Variants in DYNC1I1 observed in about 807,000 individuals in gnomAD.
DYNC1I1 encodes the protein cytoplasmic dynein 1 intermediate chain 1.
DYNC1I1 carries 43 observed loss-of-function variants against 86.6 expected under a neutral mutation model. That is an observed-to-expected ratio of 0.50 (90% CI 0.39 to 0.64). DYNC1I1 has a LOEUF of 0.64. Ranked by LOEUF, DYNC1I1 falls within the 30% of genes least tolerant of loss-of-function variation. The pLI, the probability that DYNC1I1 is intolerant of heterozygous loss-of-function variation, is 0.00. For synonymous variants in DYNC1I1, 262 were observed against 283.7 expected, an observed-to-expected ratio of 0.92 and a Z score of 0.77; for missense variants, 604 against 788.8, an observed-to-expected ratio of 0.77 and a Z score of 2.81.
chr7:95,830,486 C>T (rs1199607763), intron 5 of DYNC1I1, among the ~76,000 whole-genome samples: 4 of 152,248 alleles, frequency 2.6e-5, no homozygotes, highest in Admixed American at 2.6e-4. Flanking sequence ...CTTTGACTGA[C>T]TTCCTTCATT....
chr7:96,019,862 G>T (rs573165311), intron 10 of DYNC1I1, among the ~76,000 whole-genome samples: 26 of 152,254 alleles, frequency 1.7e-4, no homozygotes, highest in Admixed American at 3.3e-4. Context: ...ACAGTGTTTA[G>T]AGATTTTTCT....
At chr7:95,817,424 G>C (rs1794971994) in intron 4 of DYNC1I1, among the ~76,000 whole-genome samples, 2 of 152,112 alleles carry the variant, frequency 1.3e-5, no homozygotes, top group African/African-American at 4.8e-5. Flanking sequence ...TAGTTGATAT[G>C]AGTGATACAC....
At chr7:95,903,110 ATCTTGGTAGCAAGTATT>A (rs1450056137) in intron 6 of DYNC1I1, among the ~76,000 whole-genome samples, 1 of 152,178 alleles carries the variant, frequency 6.6e-6, no homozygotes, top group Admixed American at 6.6e-5. Flanking sequence ...CCATGGCCAA[ATCTTGGTAGCAAGTATT>A]TTTTGCTATC....
intron 9 of DYNC1I1, among the ~76,000 whole-genome samples, chr7:95,990,141 A>G (rs73230254): frequency 0.08 from 12,114 of 152,262 alleles, 575 homozygotes; most frequent in Non-Finnish European, 0.1. Context: ...ACAAAATATC[A>G]TCAAACATCA....
chr7:96,049,830 G>A (rs1012204366), intron 14 of DYNC1I1, among the ~76,000 whole-genome samples: 1 of 151,992 alleles, frequency 6.6e-6, no homozygotes, highest in African/African-American at 2.4e-5. Flanking sequence ...TCAGGAGTCC[G>A]AGACCAGCCT....
chr7:95,903,935 C>T (rs1791105987), intron 6 of DYNC1I1, among the ~76,000 whole-genome samples: 1 of 152,106 alleles, frequency 6.6e-6, no homozygotes. Context: ...TGGCTTAGAG[C>T]AGAAAGCAAC....
intron 6 of DYNC1I1, among the ~76,000 whole-genome samples, chr7:95,901,058 A>G (rs1562938299): frequency 6.6e-6 from 1 of 152,226 alleles, no homozygotes; most frequent in Non-Finnish European, 1.5e-5. Context: ...CTTTTTAAGC[A>G]ATCATGTCAG....
At chr7:95,962,261 G>A (rs1219122716) in intron 6 of DYNC1I1, among the ~76,000 whole-genome samples, 1 of 152,102 alleles carries the variant, frequency 6.6e-6, no homozygotes, top group Non-Finnish European at 1.5e-5. Context: ...ATGACCCATA[G>A]CTTACACCCT....
chr7:95,877,742 A>C (rs1790346487), intron 6 of DYNC1I1, among the ~76,000 whole-genome samples: 1 of 152,254 alleles, frequency 6.6e-6, no homozygotes, highest in South Asian at 2.1e-4. Context: ...GGATCACAAC[A>C]CATCTCAAAA....
intron 6 of DYNC1I1, among the ~76,000 whole-genome samples, chr7:95,954,303 T>G (rs556146366): frequency 6.6e-6 from 1 of 151,252 alleles, no homozygotes; most frequent in African/African-American, 2.4e-5. Context: ...TGAGGCTATT[T>G]AAAGACAATT....
At chr7:95,980,273 T>A (rs1035003469) in intron 7 of DYNC1I1, among the ~76,000 whole-genome samples, 1 of 152,082 alleles carries the variant, frequency 6.6e-6, no homozygotes, top group Non-Finnish European at 1.5e-5. Context: ...ACATAATGGG[T>A]TAAAAGGATG....
At chr7:95,806,313 T>C (rs1410795726) in intron 2 of DYNC1I1, among the ~76,000 whole-genome samples, 2 of 152,206 alleles carry the variant, frequency 1.3e-5, no homozygotes, top group Non-Finnish European at 2.9e-5. Context: ...ATATGGGAAA[T>C]TTGGTTCCAA....
chr7:95,874,514 C>T (rs1790253611), intron 6 of DYNC1I1, among the ~76,000 whole-genome samples: 1 of 152,154 alleles, frequency 6.6e-6, no homozygotes, highest in South Asian at 2.1e-4. Flanking sequence ...GATTGTGTAT[C>T]CCCACAATTC....
chr7:95,905,696 C>T (rs1791158735), intron 6 of DYNC1I1, among the ~76,000 whole-genome samples: 1 of 150,196 alleles, frequency 6.7e-6, no homozygotes, highest in Non-Finnish European at 1.5e-5. Flanking sequence ...CCCATTGTGT[C>T]TGGGCTTTTT....
At chr7:95,900,138 A>G (rs909280108) in intron 6 of DYNC1I1, among the ~76,000 whole-genome samples, 1 of 152,138 alleles carries the variant, frequency 6.6e-6, no homozygotes, top group African/African-American at 2.4e-5. Flanking sequence ...GGCTCCATGG[A>G]TAGTGAGGTC....
At chr7:95,821,633 A>G (rs576286847) in intron 4 of DYNC1I1, among the ~76,000 whole-genome samples, 75 of 152,264 alleles carry the variant, frequency 4.9e-4, no homozygotes, top group African/African-American at 1.2e-3. Flanking sequence ...CGACCATGGG[A>G]TTTGATGATT....
intron 6 of DYNC1I1, among the ~76,000 whole-genome samples, chr7:95,969,963 T>G (rs12537028): frequency 0.055 from 8,446 of 152,250 alleles, 341 homozygotes; most frequent in Admixed American, 0.12. Flanking sequence ...CCACAAAATA[T>G]GTCTTTCCTG....
At chr7:96,039,542 A>G (rs1584270193) in intron 14 of DYNC1I1, 121 bp downstream of exon 14, 5 of 1,245,500 alleles carry the variant, frequency 4.0e-6, no homozygotes, top group East Asian at 2.5e-5. Context: ...GAATTCATAT[A>G]CCTTCTGGTG....
At position 95,772,679 on chromosome 7, in the gene DYNC1I1, G is replaced by T. The variant is rs1329273945; in HGVS notation, c.-104G>T. The T allele has an allele frequency of 6.6e-6, 1 of 152,614 alleles. No homozygotes were observed. The highest frequency in any genetic ancestry group is 6.5e-5 in the Admixed American group (1 of 15,296). The allele number at this position is 152,614 out of a possible 1,614,324, so 9.5% of individuals were successfully genotyped here. A position where few individuals can be genotyped will look rare whatever the true frequency, so the allele number is the denominator to read the frequency against. Reference sequence around the variant, plus strand: ...AGCACATCCTGCCCGCGCCGGCCCCGCCACCTTCGGGAGCCGCCTGCACCA... The same window carrying T: ...AGCACATCCTGCCCGCGCCGGCCCCTCCACCTTCGGGAGCCGCCTGCACCA... On this transcript the variant is annotated 5_prime_UTR_variant, in exon 1 of 17. Transcript: ENST00000447467.
Sources: gnomAD v4.1 joint callset for allele counts (sites outside exome capture counted in the v4.1 genomes callset) on GRCh38, gnomAD v4.1.1 for gene constraint, MANE v1.5 for transcripts, NCBI Gene and HGNC (gene_info 2026-07-23, HGNC 2026-07-21) for gene names.